The following TMC3 variants were observed in gnomAD, a reference collection of about 807,000 sequenced individuals.
TMC3 encodes the protein transmembrane channel-like protein 3.
TMC3 carries 98 observed loss-of-function variants against 110.6 expected under a neutral mutation model. The observed-to-expected ratio is 0.89, with a 90% CI of 0.75 to 1.05. The LOEUF is 1.05. TMC3 is among the 50% of genes least tolerant of loss of function. The pLI, the probability that TMC3 is intolerant of heterozygous loss-of-function variation, is 0.00. For missense variants in TMC3, 1,319 were observed against 1,373.2 expected, an observed-to-expected ratio of 0.96 and a Z score of 0.62; for synonymous variants, 489 against 513.1, an observed-to-expected ratio of 0.95 and a Z score of 0.63.
At chr15:81,367,889 G>A (rs998840144) in intron 3 of TMC3, among the ~76,000 whole-genome samples, 1 of 152,126 alleles carries the variant, frequency 6.6e-6, no homozygotes, top group African/African-American at 2.4e-5. Context: ...TCCTGGCTCT[G>A]GAGACCACAG....
chr15:81,349,268 T>G (rs1014038295), intron 11 of TMC3, among the ~76,000 whole-genome samples, 190 bp downstream of exon 11: 11 of 152,114 alleles, frequency 7.2e-5, no homozygotes, highest in Admixed American at 7.2e-4. Flanking sequence ...TTCCTCCTCC[T>G]CTTCCCCTGC....
At chr15:81,368,982 T>C (rs1894376838) in intron 2 of TMC3, among the ~76,000 whole-genome samples, 2 of 152,286 alleles carry the variant, frequency 1.3e-5, no homozygotes, top group Non-Finnish European at 1.5e-5. Context: ...TAAATGTTAG[T>C]GCCATGGACA....
At chr15:81,356,695 C>T (rs1036074751) in intron 7 of TMC3, 101 bp from the exon 8 acceptor site, 3 of 1,321,610 alleles carry the variant, frequency 2.3e-6, no homozygotes, top group Non-Finnish European at 3.1e-6. Flanking sequence ...GGCTGCACCC[C>T]TCTGGGTGGA....
At position 81,349,575 on chromosome 15, in the gene TMC3, G is replaced by A; in HGVS notation, c.1084-8C>T. The stretch of plus-strand genomic sequence containing the variant: ...GGAGACCACCACACTGACCTGCTGA[G>A]AGAGCACATGCCAGAGCCAGACATT... On this transcript the variant is annotated splice_region_variant and splice_polypyrimidine_tract_variant and intron_variant, in intron 10 of 21. Transcript: ENST00000359440. The A allele has an allele frequency of 6.8e-7, 1 of 1,463,584 alleles. No individual in the cohort carries two copies. The highest frequency in any genetic ancestry group is 9.1e-7 in the Non-Finnish European group (1 of 1,103,078). 90.7% of individuals were successfully genotyped at this position (1,463,584 alleles called of 1,614,324 possible).
rs966789554 is a variant in TMC3 at position 81,344,902 on chromosome 15, C to T, written c.1382G>A (p.Gly461Glu). The change falls in exon 13 of 22, where the codon GGG becomes GAG. Residue 461 changes from glycine to glutamate, a missense_variant. Physicochemically the swap from Gly to Glu is moderately conservative, Grantham distance 98. Transcript: ENST00000359440. ...GGCCCATGTGTTGTTTCTCCTGAGC[C>T]CCATTCCAGGCCGAGATGTGGACCA... ...EKWSTSRPGMGLRRNNTWALE... is the reference protein window; with the variant it reads ...EKWSTSRPGMELRRNNTWALE... The T allele has an allele frequency of 1.2e-6, 2 of 1,613,914 alleles. No individual in the cohort carries two copies. Among genetic ancestry groups the T allele is most frequent in the South Asian group, 1.1e-5 (1 of 91,062 alleles).
chr15:81,342,229 G>T (rs1893730331), intron 15 of TMC3, among the ~76,000 whole-genome samples: 1 of 152,174 alleles, frequency 6.6e-6, no homozygotes, highest in Non-Finnish European at 1.5e-5. Flanking sequence ...GTTTATATTG[G>T]ATACGTATTC....
At chr15:81,365,921 T>A (rs1176326205) in intron 3 of TMC3, among the ~76,000 whole-genome samples, 1 of 152,174 alleles carries the variant, frequency 6.6e-6, no homozygotes, top group Non-Finnish European at 1.5e-5. Flanking sequence ...CCTATCAACA[T>A]GTCAACATGA....
chr15:81,353,539 C>T (rs1893996120), intron 9 of TMC3, among the ~76,000 whole-genome samples: 2 of 152,150 alleles, frequency 1.3e-5, no homozygotes, highest in Non-Finnish European at 2.9e-5. Context: ...TTGTACCTTT[C>T]TATGTCTAGA....
chr15:81,343,011 G>A (rs1242179140), intron 15 of TMC3: 1 of 383,918 alleles, frequency 2.6e-6, no homozygotes, highest in Non-Finnish European at 4.7e-6. Context: ...CTCCCTAAGA[G>A]TGTATTCTAC....
chr15:81,352,912 T>A (rs963913156), intron 9 of TMC3, among the ~76,000 whole-genome samples: 1 of 152,192 alleles, frequency 6.6e-6, no homozygotes, highest in African/African-American at 2.4e-5. Flanking sequence ...CTCTGCCTCC[T>A]GGGTTCAAGC....
chr15:81,370,850 T>C (rs1300513975), intron 2 of TMC3, among the ~76,000 whole-genome samples: 2 of 152,074 alleles, frequency 1.3e-5, no homozygotes, highest in Non-Finnish European at 2.9e-5. Flanking sequence ...AATTTTTGTA[T>C]TTTTAATAGA....
intron 17 of TMC3, among the ~76,000 whole-genome samples, chr15:81,339,183 T>C (rs1315567207): frequency 6.6e-6 from 1 of 152,218 alleles, no homozygotes; most frequent in African/African-American, 2.4e-5. Flanking sequence ...TTTAAAAGGA[T>C]TGTGTTTTTT....
At chr15:81,346,781 G>T (rs1393231595) in intron 11 of TMC3, among the ~76,000 whole-genome samples, 1 of 152,176 alleles carries the variant, frequency 6.6e-6, no homozygotes, top group Non-Finnish European at 1.5e-5. Flanking sequence ...ATGCTTTCTG[G>T]TTTATGAATT....
chr15:81,339,525 A>G, intron 16 of TMC3, 21 bp from the exon 17 acceptor site: 2 of 1,557,968 alleles, frequency 1.3e-6, no homozygotes, highest in Non-Finnish European at 1.7e-6. Context: ...ATCAGATGTC[A>G]TGTGTTAAGT....
chr15:81,368,732 ACCTGG>A (rs1894371376), intron 2 of TMC3, among the ~76,000 whole-genome samples: 1 of 152,112 alleles, frequency 6.6e-6, no homozygotes, highest in Admixed American at 6.5e-5. Context: ...TGCAAATCAG[ACCTGG>A]CTTCAGAGAA....
At position 81,345,013 on chromosome 15, in the gene TMC3, T is replaced by C. The variant is rs1048990176; in HGVS notation, c.1273-2A>G. 1.3e-6 allele frequency: 2 copies of C among 1,563,682 alleles called. No homozygotes were observed. Among genetic ancestry groups the C allele is most frequent in the Non-Finnish European group, 1.7e-6 (2 of 1,153,400 alleles). On this transcript the variant is annotated splice_acceptor_variant, in intron 12 of 21. Transcript: ENST00000359440. LOFTEE classifies it high-confidence loss of function. ...TGTGTTATTTTTGGTAGCCATTTCC[T>C]GGGGAGAGAGAGAGAGAGAGAGAGG...
rs766093137 is a variant in TMC3, at chr15:81,358,255, A to C, written c.637T>G (p.Tyr213Asp). 6.2e-7 allele frequency: 1 copy of C among 1,613,040 alleles called. No individual in the cohort carries two copies. The highest frequency in any genetic ancestry group is 1.7e-5 in the Admixed American group (1 of 59,850). ...LQYSVLFYGY[Y>D]GRERKIGRAG... ...CTCCCGATCTTCCTCTCCCTGCCGT[A>C]ATATCCGTAGAAGAGGACAGAGTAC... Residue 213 changes from tyrosine to aspartate, a missense_variant, in exon 7 of 22, where the codon TAC (tyrosine) becomes GAC (aspartate). Coordinates refer to ENST00000359440, the MANE Select transcript of TMC3 (RefSeq NM_001080532.3).
intron 12 of TMC3, among the ~76,000 whole-genome samples, chr15:81,345,400 A>T (rs1215032715): frequency 6.6e-6 from 1 of 152,212 alleles, no homozygotes; most frequent in Non-Finnish European, 1.5e-5. Context: ...ACCCAGGTCT[A>T]TGTAACCTCA....
At chr15:81,339,279 C>T in intron 17 of TMC3, 115 bp downstream of exon 17, 5 of 803,022 alleles carry the variant, frequency 6.2e-6, no homozygotes, top group Non-Finnish European at 1.0e-5. Flanking sequence ...TGCGGGTTTG[C>T]AATCTTTCTA....
Sources: allele counts gnomAD v4.1 joint callset (sites outside exome capture counted in the v4.1 genomes callset), GRCh38; gene constraint gnomAD v4.1.1; transcripts MANE v1.5; gene names NCBI Gene and HGNC (gene_info 2026-07-23, HGNC 2026-07-21).